Variants in URB1 observed in about 807,000 individuals in gnomAD.
The protein encoded by URB1 is URB1 ribosome biogenesis factor, also known as nucleolar pre-ribosomal-associated protein 1.
Under a neutral mutation model 242.3 loss-of-function variants are expected in URB1, and 197 were observed. The observed-to-expected ratio is 0.81, with a 90% CI of 0.72 to 0.91. The LOEUF is 0.91. Ranked by LOEUF, URB1 falls within the 40% of genes least tolerant of loss-of-function variation. The pLI, the probability that URB1 is intolerant of heterozygous loss-of-function variation, is 0.00. For synonymous variants in URB1, 1,153 were observed against 1,201.8 expected, an observed-to-expected ratio of 0.96 and a Z score of 0.84; for missense variants, 2,721 against 2,860.5, an observed-to-expected ratio of 0.95 and a Z score of 1.11.
intron 28 of URB1, among the ~76,000 whole-genome samples, chr21:32,334,832 G>A (rs2032939177): frequency 6.6e-6 from 1 of 152,176 alleles, no homozygotes; most frequent in Non-Finnish European, 1.5e-5. Flanking sequence ...GTGGCCACGA[G>A]TGAACCAGGT....
Position 32,313,746 on chromosome 21 carries a change from TC to T in URB1, c.*1171del, listed in dbSNP as rs1320918956. ...GCCACATCCTAGGCCACAGAGCAGA[TC>T]CCAAGAGCCCCAGGCATGCAGGAGA... On this transcript the variant is annotated 3_prime_UTR_variant, in exon 39 of 39. Transcript: ENST00000382751. 1.3e-5 allele frequency: 2 copies of T among 152,172 alleles called. No homozygotes were observed. The highest frequency in any genetic ancestry group is 4.8e-5 in the African/African-American group (2 of 41,402). 9.4% of individuals were successfully genotyped at this position (152,172 alleles called of 1,614,324 possible).
intron 9 of URB1, 44 bp from the exon 10 acceptor site, chr21:32,366,799 T>C (rs1006424368): frequency 9.1e-6 from 14 of 1,543,244 alleles, no homozygotes; most frequent in Middle Eastern, 1.7e-4. Flanking sequence ...TAGAAGTAAG[T>C]TTCAAACCTG....
At chr21:32,376,752 C>T (rs2033463382) in intron 5 of URB1, among the ~76,000 whole-genome samples, 1 of 152,186 alleles carries the variant, frequency 6.6e-6, no homozygotes, top group Admixed American at 6.5e-5. Context: ...ATTCTCCCAC[C>T]TCAGCTTCCC....
chr21:32,383,587 C>A, intron 3 of URB1, 33 bp from the exon 4 acceptor site: 1 of 1,539,504 alleles, frequency 6.5e-7, no homozygotes, highest in South Asian at 1.2e-5. Context: ...TCGGACACGT[C>A]AACAACAGCA....
chr21:32,329,433 T>C (rs549704867), intron 30 of URB1, among the ~76,000 whole-genome samples: 1 of 152,298 alleles, frequency 6.6e-6, no homozygotes, highest in South Asian at 2.1e-4. Context: ...CGTGCTCTGG[T>C]CATCTAGTGA....
chr21:32,317,866 G>A lies in URB1; in HGVS notation c.5844C>T (p.Ser1948=), dbSNP rs369162830. The change falls in exon 37 of 39, where the codon TCC becomes TCT. Residue 1948 remains serine (S), a synonymous_variant. Coordinates refer to ENST00000382751, the MANE Select transcript of URB1 (RefSeq NM_014825.3). ...QLTNFFGTLD[S]VLRYRATVIQ... ...TGACAGTGGCCCGGTACCTCAGCACGGAGTCAAGTGTCCCGAAGAAGTTGG... is the reference window on the plus strand; with the variant it reads ...TGACAGTGGCCCGGTACCTCAGCACAGAGTCAAGTGTCCCGAAGAAGTTGG... 1,263 of 1,551,748 alleles carry A rather than the reference G, an allele frequency of 8.1e-4. 7 individuals are homozygous for A. The South Asian group carries it at 9.4e-3, about 11-fold the overall frequency.
At position 32,354,022 on chromosome 21, in the gene URB1, A is replaced by C. The variant is rs1399333969; in HGVS notation, c.2327T>G (p.Met776Arg). Residue 776 changes from methionine to arginine, a missense_variant, in exon 18 of 39, where the codon ATG becomes AGG. By Grantham distance (91) the Met-to-Arg change is moderately conservative. Coordinates refer to ENST00000382751, the MANE Select transcript of URB1 (RefSeq NM_014825.3). ...EEIGFTLSED[M>R]ILLTFPFSAV... ...ACTGAATGGGAACGTGAGCAGGATC[A>C]TGTCTTCACTCAACGTGAACCCTAT... 1 of 1,551,748 alleles carries C rather than the reference A, an allele frequency of 6.4e-7. No homozygotes were observed. Among genetic ancestry groups the C allele is most frequent in the Admixed American group, 2.0e-5 (1 of 50,996 alleles).
At chr21:32,351,139 A>G (rs1405152038) in intron 19 of URB1, among the ~76,000 whole-genome samples, 4 of 151,818 alleles carry the variant, frequency 2.6e-5, no homozygotes, top group Non-Finnish European at 5.9e-5. Flanking sequence ...CACTGACCAC[A>G]TGTGAAGGCC....
intron 35 of URB1, among the ~76,000 whole-genome samples, chr21:32,319,957 G>C (rs375038463): frequency 2.0e-5 from 3 of 152,228 alleles, no homozygotes; most frequent in South Asian, 4.1e-4. Context: ...CTCCCGCCAA[G>C]TGCTGTCTGC....
chr21:32,334,529 G>T (rs1444022983), intron 28 of URB1, among the ~76,000 whole-genome samples, 195 bp from the exon 29 acceptor site: 1 of 152,190 alleles, frequency 6.6e-6, no homozygotes. Flanking sequence ...GCTGAGGGTG[G>T]GTGACAGTGT....
intron 6 of URB1, among the ~76,000 whole-genome samples, chr21:32,374,248 G>A (rs1348123425): frequency 6.6e-6 from 1 of 152,148 alleles, no homozygotes; most frequent in Non-Finnish European, 1.5e-5. Flanking sequence ...TAGCATCCTT[G>A]AACATAGTCT....
chr21:32,337,197 C>G (rs2032969533), intron 27 of URB1, 40 bp from the exon 28 acceptor site: 5 of 1,545,786 alleles, frequency 3.2e-6, no homozygotes, highest in Non-Finnish European at 4.4e-6. Context: ...AGATGAACCC[C>G]TGACACCCTC....
chr21:32,347,516 G>A lies in URB1; in HGVS notation c.3308C>T (p.Pro1103Leu), dbSNP rs1361886804. 20 of 1,551,228 alleles carry A rather than the reference G, an allele frequency of 1.3e-5. No individual in the cohort carries two copies. Among genetic ancestry groups the A allele is most frequent in the East Asian group, 4.9e-5 (2 of 40,916 alleles). The stretch of plus-strand genomic sequence containing the variant: ...CAGCTCCTGCAGGGCCTCCAGCTGC[G>A]GCGGGGTCTTTGGTGGTGATGTGGC... ...GPATSPPKTPPQLEALQELHP... is the reference protein window; with the variant it reads ...GPATSPPKTPLQLEALQELHP... The change falls in exon 22 of 39, where the codon CCG becomes CTG. Residue 1103 changes from proline to leucine, a missense_variant. By Grantham distance (98) the Pro-to-Leu change is moderately conservative. Transcript: ENST00000382751.
chr21:32,385,605 A>C lies in URB1; in HGVS notation c.222T>G (p.Ile74Met), dbSNP rs1156352072. 1 of 1,551,900 alleles carries C rather than the reference A, an allele frequency of 6.4e-7. No homozygotes were observed. The change falls in exon 2 of 39, where the codon ATT (isoleucine) becomes ATG (methionine). Residue 74 changes from isoleucine to methionine, a missense_variant. By Grantham distance (10) the Ile-to-Met change is conservative. Coordinates refer to ENST00000382751, the MANE Select transcript of URB1 (RefSeq NM_014825.3). ...VYDVVEGYIK[I>M]SVECVEIFQL... is the part of the protein sequence containing the mutation. ...GGAAAATTTCGACACACTCAACAGAAATCTTTATATACCCTTCCACAACAT... is the reference window on the plus strand; with the variant it reads ...GGAAAATTTCGACACACTCAACAGACATCTTTATATACCCTTCCACAACAT...
At chr21:32,329,229 G>A (rs1250966826) in intron 30 of URB1, among the ~76,000 whole-genome samples, 1 of 152,086 alleles carries the variant, frequency 6.6e-6, no homozygotes, top group East Asian at 1.9e-4. Flanking sequence ...TCATGCCACT[G>A]CACTCCAACC....
At position 32,385,695 on chromosome 21, in the gene URB1, A is replaced by C; in HGVS notation, c.143-11T>G. Reference sequence around the variant, plus strand: ...CAAACGCTTCCAAGCCTGAAAAAAAAGTTATGTTCAAACATTAACAAGGTC... The same window carrying C: ...CAAACGCTTCCAAGCCTGAAAAAAACGTTATGTTCAAACATTAACAAGGTC... On this transcript the variant is annotated splice_polypyrimidine_tract_variant and intron_variant, in intron 1 of 38. Coordinates refer to ENST00000382751, the MANE Select transcript of URB1 (RefSeq NM_014825.3). 1 of 1,550,004 alleles carries C rather than the reference A, an allele frequency of 6.5e-7. No individual in the cohort carries two copies. Among genetic ancestry groups the C allele is most frequent in the African/African-American group, 1.4e-5 (1 of 72,992 alleles).
At chr21:32,321,749 A>C in intron 34 of URB1, 52 bp downstream of exon 34, 1 of 1,539,688 alleles carries the variant, frequency 6.5e-7, no homozygotes, top group Non-Finnish European at 8.8e-7. Flanking sequence ...ATAAAATCTT[A>C]AGAAGGGGCA....
intron 1 of URB1, among the ~76,000 whole-genome samples, chr21:32,391,167 T>C (rs2033633058): frequency 7.5e-6 from 1 of 133,374 alleles, no homozygotes. Flanking sequence ...AACTGAACAA[T>C]GAGAACACAT....
intron 6 of URB1, among the ~76,000 whole-genome samples, chr21:32,374,988 T>C (rs1372948031): frequency 6.6e-6 from 1 of 152,230 alleles, no homozygotes; most frequent in Non-Finnish European, 1.5e-5. Context: ...GTGATCTTTT[T>C]AGCAAGTTTT....
Sources: allele counts gnomAD v4.1 joint callset (sites outside exome capture counted in the v4.1 genomes callset), GRCh38; gene constraint gnomAD v4.1.1; transcripts MANE v1.5; gene names NCBI Gene and HGNC (gene_info 2026-07-23, HGNC 2026-07-21).